RARB: variants seen among roughly 807,000 people sequenced by gnomAD.
The protein encoded by RARB is HBV-activated protein.
RARB carries 17 observed loss-of-function variants against 51.9 expected under a neutral mutation model. That is an observed-to-expected ratio of 0.33 (90% CI 0.22 to 0.49). RARB has a LOEUF of 0.49. Ranked by LOEUF, RARB falls within the 20% of genes least tolerant of loss-of-function variation. The pLI is 0.99. For missense variants in RARB, 369 were observed against 550.8 expected, an observed-to-expected ratio of 0.67 and a Z score of 3.30; for synonymous variants, 215 against 195.4, an observed-to-expected ratio of 1.10 and a Z score of -0.84.
intron 3 of RARB, among the ~76,000 whole-genome samples, chr3:25,514,261 C>T (rs1052689631): frequency 6.6e-6 from 1 of 152,144 alleles, no homozygotes; most frequent in Non-Finnish European, 1.5e-5. Flanking sequence ...TCTCTTCTCC[C>T]TCTGCTATCA....
intron 2 of RARB, among the ~76,000 whole-genome samples, chr3:25,045,380 C>A (rs1698193377): frequency 6.6e-6 from 1 of 152,150 alleles, no homozygotes; most frequent in South Asian, 2.1e-4. Flanking sequence ...TCAGGAGGCC[C>A]TTCCGAGAGA....
chr3:25,365,431 C>T (rs1379300898), intron 5 of RARB, among the ~76,000 whole-genome samples: 1 of 151,806 alleles, frequency 6.6e-6, no homozygotes, highest in African/African-American at 2.4e-5. Context: ...TTTCTACTCT[C>T]CCTCCCAAAT....
rs577780683 is a variant in RARB, at chr3:25,446,408, G to T, written c.158-14785G>T. Among the ~76,000 whole-genome samples the T allele has an allele frequency of 2.6e-5, 4 of 152,340 alleles. No individual in the cohort carries two copies. The East Asian group carries it at 5.8e-4, about 22-fold the overall frequency. ...TTTGTCTGTGACTGCCTTCCCCCAT[G>T]GGGGGCAGAGTTGAATGACTGTGAC... On this transcript the variant is annotated intron_variant, in intron 1 of 7. Transcript: ENST00000330688.
chr3:25,006,186 A>G (rs770227773), intron 2 of RARB, among the ~76,000 whole-genome samples: 27 of 152,114 alleles, frequency 1.8e-4, no homozygotes, highest in Admixed American at 8.5e-4. Context: ...CTCCCTTTAC[A>G]TTGCTTCATT....
intron 2 of RARB, among the ~76,000 whole-genome samples, chr3:24,969,365 C>A (rs1696344197): frequency 1.3e-5 from 2 of 152,014 alleles, no homozygotes; most frequent in Admixed American, 1.3e-4. Context: ...AGCCAAAGTG[C>A]CTCATGCCAC....
At chr3:25,196,361 G>T (rs1660173502) in intron 5 of RARB, among the ~76,000 whole-genome samples, 1 of 151,926 alleles carries the variant, frequency 6.6e-6, no homozygotes, top group South Asian at 2.1e-4. Context: ...CAGAATGATG[G>T]TTTCCAGCTT....
chr3:25,251,550 A>G (rs1482091078), intron 5 of RARB, among the ~76,000 whole-genome samples: 3 of 152,146 alleles, frequency 2.0e-5, no homozygotes, highest in Non-Finnish European at 2.9e-5. Context: ...AATTATATCC[A>G]TCCTAGTGTG....
chr3:24,978,238 G>C (rs1172603150), intron 2 of RARB, among the ~76,000 whole-genome samples: 1 of 152,118 alleles, frequency 6.6e-6, no homozygotes, highest in Non-Finnish European at 1.5e-5. Flanking sequence ...GTCTCTGCCA[G>C]GTTTTGGAAT....
chr3:25,016,052 G>A (rs537344896), intron 2 of RARB, among the ~76,000 whole-genome samples: 18 of 152,270 alleles, frequency 1.2e-4, no homozygotes, highest in Admixed American at 9.8e-4. Flanking sequence ...GGAACAATGG[G>A]TACATGCTAT....
intron 5 of RARB, among the ~76,000 whole-genome samples, chr3:25,194,402 A>C (rs1701179819): frequency 6.6e-6 from 1 of 151,700 alleles, no homozygotes; most frequent in Non-Finnish European, 1.5e-5. Context: ...CATACACAAA[A>C]AGGTATCTAT....
intron 5 of RARB, among the ~76,000 whole-genome samples, chr3:25,387,566 G>C (rs1206047875): frequency 6.6e-6 from 1 of 152,052 alleles, no homozygotes; most frequent in Non-Finnish European, 1.5e-5. Context: ...TCTAGTGTAG[G>C]CAGAATAAGA....
At chr3:25,104,539 G>A (rs1419271402) in intron 3 of RARB, among the ~76,000 whole-genome samples, 2 of 152,252 alleles carry the variant, frequency 1.3e-5, no homozygotes, top group African/African-American at 2.4e-5. Context: ...AGCTACTCGG[G>A]AGGCTATGGT....
intron 5 of RARB, among the ~76,000 whole-genome samples, chr3:25,406,300 G>A (rs1294895088): frequency 6.6e-6 from 1 of 152,214 alleles, no homozygotes; most frequent in Non-Finnish European, 1.5e-5. Flanking sequence ...CTCCAAAGAA[G>A]CACGCAACCT....
intron 5 of RARB, among the ~76,000 whole-genome samples, chr3:25,184,637 T>C (rs1700934621): frequency 6.6e-6 from 1 of 152,130 alleles, no homozygotes; most frequent in South Asian, 2.1e-4. Flanking sequence ...ATTTTCTCTG[T>C]AAAATAAGGA....
At chr3:24,874,685 C>G (rs545419019) in intron 2 of RARB, among the ~76,000 whole-genome samples, 1 of 151,624 alleles carries the variant, frequency 6.6e-6, no homozygotes, top group Non-Finnish European at 1.5e-5. Flanking sequence ...CTTTACATAG[C>G]TTTTTTCTTT....
chr3:25,222,342 T>C (rs932330670), intron 5 of RARB, among the ~76,000 whole-genome samples: 12 of 152,200 alleles, frequency 7.9e-5, no homozygotes, highest in Non-Finnish European at 1.6e-4. Flanking sequence ...TTCTTTCTTA[T>C]TGCTGATGTT....
intron 5 of RARB, among the ~76,000 whole-genome samples, chr3:25,285,808 T>C (rs532362666): frequency 6.6e-6 from 1 of 152,318 alleles, no homozygotes; most frequent in East Asian, 1.9e-4. Flanking sequence ...GAAGATTATG[T>C]ACAATATGTT....
chr3:25,008,581 A>AT (rs1697326315), intron 2 of RARB, among the ~76,000 whole-genome samples: 1 of 151,956 alleles, frequency 6.6e-6, no homozygotes, highest in Admixed American at 6.6e-5. Flanking sequence ...CCTCAGTAAG[A>AT]TTTTCTCCTT....
At chr3:25,140,756 T>C (rs1271269574) in intron 4 of RARB, among the ~76,000 whole-genome samples, 1 of 152,134 alleles carries the variant, frequency 6.6e-6, no homozygotes, top group African/African-American at 2.4e-5. Flanking sequence ...AGAAAGGGTA[T>C]AGAAAACTTC....
Sources: allele counts gnomAD v4.1 joint callset (sites outside exome capture counted in the v4.1 genomes callset), GRCh38; gene constraint gnomAD v4.1.1; transcripts MANE v1.5; gene names NCBI Gene and HGNC (gene_info 2026-07-23, HGNC 2026-07-21).